The following FBXL17 variants were observed in gnomAD, a reference collection of about 807,000 sequenced individuals.
FBXL17 encodes the protein F-box and leucine rich repeat protein 17.
A neutral mutation model predicts 66.2 loss-of-function variants in FBXL17; 22 were observed. That is an observed-to-expected ratio of 0.33 (90% CI 0.24 to 0.47). FBXL17 has a LOEUF of 0.47. FBXL17 is among the 20% of genes least tolerant of loss of function. FBXL17 has a pLI of 1.00. For synonymous variants in FBXL17, 474 were observed against 400.5 expected (o/e 1.18, Z -2.19); for missense variants, 878 against 948.2 (o/e 0.93, Z 0.97).
chr5:108,296,690 C>G (rs929634233), intron 4 of FBXL17, among the ~76,000 whole-genome samples: 3 of 151,542 alleles, frequency 2.0e-5, no homozygotes, highest in African/African-American at 7.3e-5. Flanking sequence ...CATGAAATGT[C>G]ATTTCATATT....
At chr5:108,173,891 C>T (rs1752697827) in intron 6 of FBXL17, among the ~76,000 whole-genome samples, 1 of 152,208 alleles carries the variant, frequency 6.6e-6, no homozygotes, top group Admixed American at 6.5e-5. Flanking sequence ...AAGTAGCTTA[C>T]AATTTTTGAC....
At chr5:107,875,464 C>T (rs1376809820) in intron 8 of FBXL17, among the ~76,000 whole-genome samples, 2 of 152,132 alleles carry the variant, frequency 1.3e-5, no homozygotes, top group East Asian at 1.9e-4. Context: ...TAATTACTTC[C>T]TGAAATATGC....
At chr5:108,282,328 G>A (rs1757732958) in intron 4 of FBXL17, among the ~76,000 whole-genome samples, 1 of 151,776 alleles carries the variant, frequency 6.6e-6, no homozygotes, top group African/African-American at 2.4e-5. Flanking sequence ...GATCAAGTGG[G>A]TTGAATGTAT....
At chr5:108,374,797 G>A (rs1749305481) in intron 1 of FBXL17, among the ~76,000 whole-genome samples, 1 of 151,988 alleles carries the variant, frequency 6.6e-6, no homozygotes, top group Admixed American at 6.6e-5. Flanking sequence ...CAAGTAAGAA[G>A]AACTCATAAA....
At chr5:108,062,593 T>G (rs192145720) in intron 6 of FBXL17, among the ~76,000 whole-genome samples, 2 of 152,280 alleles carry the variant, frequency 1.3e-5, no homozygotes, top group Admixed American at 1.3e-4. Flanking sequence ...AGGAAACATA[T>G]TAAATATATA....
chr5:108,349,914 C>T (rs1282780046), intron 3 of FBXL17, among the ~76,000 whole-genome samples: 4 of 152,100 alleles, frequency 2.6e-5, no homozygotes, highest in Non-Finnish European at 4.4e-5. Flanking sequence ...ATATGAAAAA[C>T]AGCACAGTAG....
chr5:108,003,591 G>A (rs999338493), intron 7 of FBXL17, among the ~76,000 whole-genome samples: 12 of 152,078 alleles, frequency 7.9e-5, no homozygotes, highest in African/African-American at 2.7e-4. Context: ...CTGTGAAATA[G>A]AAAGAGAACT....
chr5:108,365,077 T>C, intron 2 of FBXL17, 82 bp from the exon 3 acceptor site: 1 of 944,518 alleles, frequency 1.1e-6, no homozygotes, highest in Non-Finnish European at 1.6e-6. Context: ...TGTTCCACAA[T>C]AAACAATATA....
chr5:107,931,236 T>C (rs1384945891), intron 7 of FBXL17, among the ~76,000 whole-genome samples: 1 of 151,350 alleles, frequency 6.6e-6, no homozygotes, highest in Non-Finnish European at 1.5e-5. Flanking sequence ...AGCATTTTTA[T>C]TGCTGTTCAT....
Position 108,184,161 on chromosome 5 carries a change from C to G in FBXL17, c.1745+1956G>C, listed in dbSNP as rs181854785. On this transcript the variant is annotated intron_variant, in intron 6 of 8. Transcript: ENST00000542267. Reference sequence around the variant, plus strand: ...AGGCACGGTGGCTTATGGCTCATGCCTATAATCCCAGCACTTTGGGAGATC... The same window carrying G: ...AGGCACGGTGGCTTATGGCTCATGCGTATAATCCCAGCACTTTGGGAGATC... Among the ~76,000 whole-genome samples the G allele has an allele frequency of 5.1e-4, 78 of 152,202 alleles. No homozygotes were observed. The East Asian group carries it at 0.014, about 28-fold the overall frequency.
chr5:108,182,648 C>T (rs1197316109), intron 6 of FBXL17, among the ~76,000 whole-genome samples: 2 of 151,902 alleles, frequency 1.3e-5, no homozygotes, highest in East Asian at 1.9e-4. Context: ...TAAATCTCTA[C>T]AATACATATA....
intron 4 of FBXL17, among the ~76,000 whole-genome samples, chr5:108,317,792 A>T (rs928702629): frequency 6.6e-6 from 1 of 151,472 alleles, no homozygotes; most frequent in Non-Finnish European, 1.5e-5. Flanking sequence ...TCTGCAGTCA[A>T]ATGGAACAGT....
chr5:108,269,794 A>G (rs1321785364), intron 4 of FBXL17, among the ~76,000 whole-genome samples: 2 of 152,092 alleles, frequency 1.3e-5, no homozygotes, highest in African/African-American at 2.4e-5. Context: ...AAGCTATTCA[A>G]TAATAAAGAA....
intron 7 of FBXL17, among the ~76,000 whole-genome samples, chr5:108,001,963 T>C (rs893792671): frequency 1.3e-5 from 2 of 151,858 alleles, no homozygotes; most frequent in Non-Finnish European, 2.9e-5. Flanking sequence ...AAAAATATGA[T>C]CATTACCTTG....
In FBXL17 at chr5:107,947,541, C is replaced by G. The variant is rs373777666; in HGVS notation, c.1823-66362G>C. Among the ~76,000 whole-genome samples, 197 of 152,334 alleles carry G rather than the reference C, an allele frequency of 1.3e-3. 1 individual carries two copies. Among genetic ancestry groups the G allele is most frequent in the African/African-American group, 4.6e-3 (192 of 41,572 alleles). On this transcript the variant is annotated intron_variant, in intron 7 of 8. Transcript: ENST00000542267. Reference sequence around the variant, plus strand: ...TTCCCCCTTTTCTCACCTGCCAAACCTACTAATTCCTAAGATGAGAAGTTC... The same window carrying G: ...TTCCCCCTTTTCTCACCTGCCAAACGTACTAATTCCTAAGATGAGAAGTTC...
chr5:108,065,764 C>T (rs1748093282), intron 6 of FBXL17, among the ~76,000 whole-genome samples: 1 of 152,072 alleles, frequency 6.6e-6, no homozygotes, highest in Non-Finnish European at 1.5e-5. Context: ...TCCCAAGTAA[C>T]CTTGGAGTTT....
intron 4 of FBXL17, among the ~76,000 whole-genome samples, chr5:108,224,866 G>T (rs181985582): frequency 6.6e-6 from 1 of 152,158 alleles, no homozygotes; most frequent in East Asian, 1.9e-4. Flanking sequence ...GACCTTAAGT[G>T]ATCCAGCCTC....
chr5:107,933,403 T>G (rs1441023973), intron 7 of FBXL17, among the ~76,000 whole-genome samples: 1 of 152,170 alleles, frequency 6.6e-6, no homozygotes, highest in Non-Finnish European at 1.5e-5. Context: ...TAGGCAAATT[T>G]TTACTTACGA....
intron 7 of FBXL17, among the ~76,000 whole-genome samples, chr5:107,931,556 AT>A (rs5870289): frequency 0.37 from 56,102 of 150,934 alleles, 11,135 homozygotes; most frequent in East Asian, 0.58. Flanking sequence ...GAGGCTGAGA[AT>A]TTTTTTTTTA....
Sources: gnomAD v4.1 joint callset for allele counts (sites outside exome capture counted in the v4.1 genomes callset) on GRCh38, gnomAD v4.1.1 for gene constraint, MANE v1.5 for transcripts, NCBI Gene and HGNC (gene_info 2026-07-23, HGNC 2026-07-21) for gene names.